The following VILL variants were observed in gnomAD, a reference collection of about 807,000 sequenced individuals.
The protein encoded by VILL is villin like.
Under a neutral mutation model 106.3 loss-of-function variants are expected in VILL, and 102 were observed. The ratio of observed to expected loss-of-function variants is 0.96; its 90% CI spans 0.82 to 1.13. The LOEUF (loss-of-function observed/expected upper bound fraction) is 1.13, where lower values mean the gene tolerates loss of function less well. VILL is among the 50% of genes most tolerant of loss of function. VILL has a pLI of 0.00. For synonymous variants in VILL, 431 were observed against 440.3 expected (o/e 0.98, Z 0.27); for missense variants, 1,076 against 1,116.6 (o/e 0.96, Z 0.52).
At chr3:37,992,819 C>A (rs547880198) in intron 1 of VILL, among the ~76,000 whole-genome samples, 1 of 152,304 alleles carries the variant, frequency 6.6e-6, no homozygotes, top group Non-Finnish European at 1.5e-5. Flanking sequence ...AAACCAGGGG[C>A]CCTGACAAAG....
At chr3:37,995,270 T>G (rs1275943246) in intron 4 of VILL, among the ~76,000 whole-genome samples, 2 of 152,260 alleles carry the variant, frequency 1.3e-5, no homozygotes, top group Non-Finnish European at 2.9e-5. Context: ...TTCATACAGT[T>G]GAACCTATAT....
chr3:38,002,952 G>GGACCCTGCGAGGGTCCCA (rs1158006353), intron 14 of VILL: 1 of 605,352 alleles, frequency 1.7e-6, no homozygotes, highest in African/African-American at 1.9e-5. Flanking sequence ...CCCATGCTCT[G>GGACCCTGCGAGGGTCCCA]GACCCTGCGA....
chr3:37,989,129 G>A (rs902832606), upstream of VILL, among the ~76,000 whole-genome samples: 3 of 152,128 alleles, frequency 2.0e-5, no homozygotes, highest in Non-Finnish European at 2.9e-5. Context: ...AGCTGCCGAC[G>A]GGCCAGTGGC....
intron 14 of VILL, 78 bp from the exon 15 acceptor site, chr3:38,003,090 C>T (rs1412603417): frequency 5.1e-5 from 79 of 1,540,890 alleles, no homozygotes; most frequent in Admixed American, 3.4e-4. Flanking sequence ...CCACCCCATA[C>T]ACCCTGTGAA....
chr3:37,999,067 G>A lies in VILL; in HGVS notation c.1081+17G>A. On this transcript the variant is annotated intron_variant, in intron 10 of 19. Coordinates refer to ENST00000383759, the MANE Select transcript of VILL (RefSeq NM_015873.4). ...GCGGGAGGGGTGAGCGGGCGGGGCGGGGCTGACGGGGGCGGGGCGGGACTG... is the reference window on the plus strand; with the variant it reads ...GCGGGAGGGGTGAGCGGGCGGGGCGAGGCTGACGGGGGCGGGGCGGGACTG... 7.5e-7 allele frequency: 1 copy of A among 1,337,876 alleles called. No homozygotes were observed. The allele number at this position is 1,337,876 out of a possible 1,614,324, so 82.9% of individuals were successfully genotyped here. A position where few individuals can be genotyped will look rare whatever the true frequency, so the allele number is the denominator to read the frequency against.
At chr3:38,002,362 C>G in intron 13 of VILL, 34 bp from the exon 14 acceptor site, 1 of 1,561,056 alleles carries the variant, frequency 6.4e-7, no homozygotes, top group Non-Finnish European at 8.7e-7. Context: ...CCCCTGGGAG[C>G]CCTTGCCCAG....
In VILL at chr3:37,999,070, CTG is replaced by C; in HGVS notation, c.1081+21_1081+22del. 1 of 300,436 alleles carries C rather than the reference CTG, an allele frequency of 3.3e-6. No homozygotes were observed. The highest frequency in any genetic ancestry group is 5.4e-6 in the Non-Finnish European group (1 of 184,974). The allele number at this position is 300,436 out of a possible 1,614,324, so 18.6% of individuals were successfully genotyped here. A position where few individuals can be genotyped will look rare whatever the true frequency, so the allele number is the denominator to read the frequency against. ...GGAGGGGTGAGCGGGCGGGGCGGGG[CTG>C]ACGGGGGCGGGGCGGGACTGGCGGG... On this transcript the variant is annotated intron_variant, in intron 10 of 19. Coordinates refer to ENST00000383759, the MANE Select transcript of VILL (RefSeq NM_015873.4).
chr3:38,003,780 G>GCTC (rs1699863884), intron 15 of VILL: 1 of 192,828 alleles, frequency 5.2e-6, no homozygotes, highest in African/African-American at 2.3e-5. Flanking sequence ...AAGGGGAGGA[G>GCTC]GGAGCTGAGT....
At chr3:37,993,146 T>C (rs1699634017) in intron 1 of VILL, among the ~76,000 whole-genome samples, 3 of 152,220 alleles carry the variant, frequency 2.0e-5, no homozygotes, top group Admixed American at 2.0e-4. Flanking sequence ...TTCCCCCAGG[T>C]ACTTCTCATT....
chr3:38,003,222 A>C lies in VILL; in HGVS notation c.1714A>C (p.Arg572=). ...ACGGGTGGTGGTCACTGTCATTTCCAGGAAGAATGAGGAAACGGTGCTGGA... is the reference window on the plus strand; with the variant it reads ...ACGGGTGGTGGTCACTGTCATTTCCCGGAAGAATGAGGAAACGGTGCTGGA... The part of the protein sequence containing the change: ...MARVVVTVIS[R]KNEETVLEGQ... The change falls in exon 15 of 20, where the codon AGG becomes CGG. Residue 572 remains arginine (R), a synonymous_variant. Transcript: ENST00000383759. 6.2e-7 allele frequency: 1 copy of C among 1,613,970 alleles called. No homozygotes were observed. The highest frequency in any genetic ancestry group is 8.5e-7 in the Non-Finnish European group (1 of 1,179,958).
intron 1 of VILL, 139 bp from the exon 2 acceptor site, chr3:37,993,448 T>A: frequency 1.9e-6 from 1 of 529,948 alleles, no homozygotes; most frequent in Non-Finnish European, 3.3e-6. Context: ...AATTGTCAAG[T>A]GTTTATGCCT....
chr3:37,992,054 G>A (rs577372648), intron 1 of VILL, among the ~76,000 whole-genome samples: 169 of 152,214 alleles, frequency 1.1e-3, no homozygotes, highest in African/African-American at 3.9e-3. Flanking sequence ...GACACCAGCC[G>A]AGTCCCAACT....
chr3:37,991,380 G>C (rs1044444424), intron 1 of VILL, among the ~76,000 whole-genome samples: 1 of 151,412 alleles, frequency 6.6e-6, no homozygotes, highest in Non-Finnish European at 1.5e-5. Flanking sequence ...GAAAGACCTG[G>C]GGAGGAGGGT....
chr3:38,005,614 G>C (rs1213505346), intron 16 of VILL, among the ~76,000 whole-genome samples, 178 bp from the exon 17 acceptor site: 1 of 152,190 alleles, frequency 6.6e-6, no homozygotes, highest in African/African-American at 2.4e-5. Context: ...ATGCATTCCT[G>C]TGACCTTCTC....
chr3:38,001,271 C>G (rs1055045911), intron 11 of VILL, 185 bp from the exon 12 acceptor site: 58 of 875,480 alleles, frequency 6.6e-5, no homozygotes, highest in Admixed American at 4.0e-4. Context: ...GAAAGGGTCA[C>G]CTGCAGATCC....
rs1448411271 is a variant in VILL at position 37,998,524 on chromosome 3, TGG to T, written c.942+162_942+163del. Among the ~76,000 whole-genome samples the T allele has an allele frequency of 6.6e-6, 1 of 152,126 alleles. No individual in the cohort carries two copies. The highest frequency in any genetic ancestry group is 2.4e-5 in the African/African-American group (1 of 41,412). On this transcript the variant is annotated intron_variant, in intron 9 of 19. Coordinates refer to ENST00000383759, the MANE Select transcript of VILL (RefSeq NM_015873.4). This position sits in a 1 kb window ranked among gnomAD's most constrained non-coding sequence, Gnocchi z 4.1. ...TCTTAAAGGGGAGGTAGCCCTGCCCTGGGAGCCCTGAGAGTAAAGACCAGGTG... is the reference window on the plus strand; with the variant it reads ...TCTTAAAGGGGAGGTAGCCCTGCCCTGAGCCCTGAGAGTAAAGACCAGGTG...
At chr3:38,001,995 A>G (rs1699826911) in intron 13 of VILL, 135 bp downstream of exon 13, 2 of 1,419,008 alleles carry the variant, frequency 1.4e-6, no homozygotes, top group Non-Finnish European at 1.9e-6. Context: ...GAGCTTGTCC[A>G]AGGCCCAGGA....
chr3:38,002,746 CAA>C, intron 14 of VILL, 171 bp downstream of exon 14: 1 of 804,500 alleles, frequency 1.2e-6, no homozygotes, highest in Non-Finnish European at 1.9e-6. Flanking sequence ...GGGAAAGTTA[CAA>C]AGTGACAGGT....
chr3:38,004,258 C>T lies in VILL; in HGVS notation c.1809C>T (p.Leu603=). 6.2e-7 allele frequency: 1 copy of T among 1,610,722 alleles called. No individual in the cohort carries two copies. The highest frequency in any genetic ancestry group is 8.5e-7 in the Non-Finnish European group (1 of 1,177,374). Residue 603 remains leucine, a synonymous_variant, in exon 16 of 20, where the codon CTC becomes CTT. Coordinates refer to ENST00000383759, the MANE Select transcript of VILL (RefSeq NM_015873.4). ...GRAPYPSNKR[L]PEEVPSFQPR... is the part of the protein sequence containing the mutation. ...CCTTGCTGTCCGTGCTGGCCAGGCT[C>T]CCTGAGGAGGTCCCCAGCTTCCAGC...
Sources: gnomAD v4.1 joint callset for allele counts (sites outside exome capture counted in the v4.1 genomes callset) on GRCh38, gnomAD v4.1.1 for gene constraint, Gnocchi (gnomAD v3.1) non-coding constraint, MANE v1.5 for transcripts, NCBI Gene and HGNC (gene_info 2026-07-23, HGNC 2026-07-21) for gene names.